ATG10: variants seen among roughly 807,000 people sequenced by gnomAD.
ATG10 encodes autophagy related 10.
Under a neutral mutation model 32.1 loss-of-function variants are expected in ATG10, and 30 were observed. The ratio of observed to expected loss-of-function variants is 0.94; its 90% CI spans 0.70 to 1.27. The LOEUF is 1.27. ATG10 is among the 50% of genes most tolerant of loss of function. The probability of loss-of-function intolerance (pLI) is 0.00; values close to 1 mark genes in which losing one functional copy is unlikely to be tolerated. For synonymous variants in ATG10, 87 were observed against 91.5 expected (o/e 0.95, Z 0.28); for missense variants, 233 against 262.3 (o/e 0.89, Z 0.77).
chr5:82,048,536 A>G (rs1328105431), intron 2 of ATG10, among the ~76,000 whole-genome samples: 3 of 152,198 alleles, frequency 2.0e-5, no homozygotes, highest in South Asian at 4.1e-4. Flanking sequence ...ACAAAAGCCA[A>G]AATTGACAAA....
intron 3 of ATG10, among the ~76,000 whole-genome samples, chr5:82,099,895 C>T (rs772635535): frequency 1.2e-4 from 18 of 150,554 alleles, no homozygotes; most frequent in Non-Finnish European, 2.4e-4. Context: ...ACTGCTTTGT[C>T]AATCAATCAC....
At chr5:82,233,020 A>G (rs2150008658) in intron 5 of ATG10, among the ~76,000 whole-genome samples, 3 of 152,306 alleles carry the variant, frequency 2.0e-5, no homozygotes, top group Admixed American at 2.0e-4. Context: ...TTCTGCCTGA[A>G]ATGTTCTTCT....
intron 1 of ATG10, among the ~76,000 whole-genome samples, chr5:81,979,427 C>A (rs1037247221): frequency 1.3e-5 from 2 of 152,074 alleles, no homozygotes; most frequent in African/African-American, 4.8e-5. Context: ...ACTCGGGAGG[C>A]TGAGGCAGGA....
chr5:82,139,077 C>T (rs983124425), intron 3 of ATG10, among the ~76,000 whole-genome samples: 12 of 148,632 alleles, frequency 8.1e-5, no homozygotes, highest in East Asian at 2.0e-4. Context: ...CCCCTAACCG[C>T]GAGTGATCCG....
At chr5:82,163,363 C>A (rs1743444110) in intron 3 of ATG10, among the ~76,000 whole-genome samples, 1 of 152,154 alleles carries the variant, frequency 6.6e-6, no homozygotes, top group Non-Finnish European at 1.5e-5. Context: ...AGTGAACTGA[C>A]TGTGAGTAGG....
intron 2 of ATG10, among the ~76,000 whole-genome samples, chr5:82,004,787 C>T (rs757627418): frequency 3.9e-5 from 6 of 152,124 alleles, no homozygotes; most frequent in Non-Finnish European, 8.8e-5. Context: ...TTGCTATGAA[C>T]GTTTCTAAGT....
At chr5:82,034,049 T>C (rs1581620075) in intron 2 of ATG10, among the ~76,000 whole-genome samples, 1 of 149,286 alleles carries the variant, frequency 6.7e-6, no homozygotes, top group African/African-American at 2.4e-5. Context: ...CTATATATAT[T>C]GTGTGTATAT....
At chr5:82,111,615 A>G (rs963266063) in intron 3 of ATG10, among the ~76,000 whole-genome samples, 1 of 151,994 alleles carries the variant, frequency 6.6e-6, no homozygotes, top group African/African-American at 2.4e-5. Flanking sequence ...AAATGAATTA[A>G]ATTGAAGCCT....
intron 5 of ATG10, among the ~76,000 whole-genome samples, chr5:82,227,359 A>G (rs914205552): frequency 2.0e-5 from 3 of 151,464 alleles, no homozygotes; most frequent in South Asian, 2.1e-4. Context: ...ACACATATAT[A>G]TATATTTTAA....
At chr5:82,087,795 T>A (rs6886602) in intron 3 of ATG10, among the ~76,000 whole-genome samples, 70,498 of 151,754 alleles carry the variant, frequency 0.46, 17,472 homozygotes, top group East Asian at 0.78. Context: ...AGGGTAGATC[T>A]TATGTTAAGG....
intron 5 of ATG10, among the ~76,000 whole-genome samples, chr5:82,179,317 A>G (rs1744147722): frequency 6.6e-6 from 1 of 152,162 alleles, no homozygotes; most frequent in Non-Finnish European, 1.5e-5. Flanking sequence ...GCACCAAAAC[A>G]GTACTTATCA....
At chr5:82,173,839 A>G (rs1476074942) in intron 4 of ATG10, among the ~76,000 whole-genome samples, 1 of 152,298 alleles carries the variant, frequency 6.6e-6, no homozygotes, top group Non-Finnish European at 1.5e-5. Flanking sequence ...CTCATTGAAG[A>G]TACTTTGAAT....
At chr5:82,241,964 A>G (rs762863973) in intron 5 of ATG10, among the ~76,000 whole-genome samples, 1 of 152,106 alleles carries the variant, frequency 6.6e-6, no homozygotes, top group Non-Finnish European at 1.5e-5. Context: ...TGCACTTTTA[A>G]TGTTAAGCCT....
At chr5:82,138,052 C>T (rs192596739) in intron 3 of ATG10, among the ~76,000 whole-genome samples, 1 of 152,188 alleles carries the variant, frequency 6.6e-6, no homozygotes, top group Non-Finnish European at 1.5e-5. Flanking sequence ...AGTCAAGACT[C>T]AGTAATGGTG....
At chr5:82,187,206 T>TA (rs1222684769) in intron 5 of ATG10, among the ~76,000 whole-genome samples, 1 of 150,232 alleles carries the variant, frequency 6.7e-6, no homozygotes, top group Non-Finnish European at 1.5e-5. Context: ...ATCTCACCTT[T>TA]AAAAAAAAGG....
intron 5 of ATG10, among the ~76,000 whole-genome samples, chr5:82,246,071 CTTTTT>C (rs11340753): frequency 8.0e-6 from 1 of 125,148 alleles, no homozygotes; most frequent in Non-Finnish European, 1.7e-5. Context: ...TAATACTGAC[CTTTTT>C]TTTTTTTTTT....
intron 3 of ATG10, among the ~76,000 whole-genome samples, chr5:82,082,706 T>G (rs562839805): frequency 5.9e-5 from 9 of 152,180 alleles, no homozygotes; most frequent in Non-Finnish European, 1.2e-4. Flanking sequence ...TAGAAATTCA[T>G]TCACTTTCAT....
intron 2 of ATG10, among the ~76,000 whole-genome samples, chr5:82,005,927 C>T (rs1761976483): frequency 7.9e-5 from 12 of 152,094 alleles, no homozygotes; most frequent in Admixed American, 7.9e-4. Context: ...TCCCTTGTCT[C>T]TTCTAAACAT....
At chr5:82,223,601 CAGG>C (rs1746010096) in intron 5 of ATG10, among the ~76,000 whole-genome samples, 1 of 152,096 alleles carries the variant, frequency 6.6e-6, no homozygotes, top group Non-Finnish European at 1.5e-5. Context: ...CAGCATTGTT[CAGG>C]AAACAGAAAT....
Sources: allele counts gnomAD v4.1 joint callset (sites outside exome capture counted in the v4.1 genomes callset), GRCh38; gene constraint gnomAD v4.1.1; transcripts MANE v1.5; gene names NCBI Gene and HGNC (gene_info 2026-07-23, HGNC 2026-07-21).